Variants in MIR2052HG observed in about 807,000 individuals in gnomAD.
The protein encoded by MIR2052HG is MIR2052 host gene.
chr8:74,690,520 C>T (rs1044768815), intron 2 of MIR2052HG, among the ~76,000 whole-genome samples: 6 of 151,846 alleles, frequency 4.0e-5, no homozygotes, highest in South Asian at 2.1e-4. Context: ...TGGTGGCGGG[C>T]GCCTGTAGTC....
chr8:74,608,246 T>C (rs897747834), intron 1 of MIR2052HG, among the ~76,000 whole-genome samples: 2 of 151,356 alleles, frequency 1.3e-5, no homozygotes, highest in African/African-American at 4.9e-5. Context: ...ATAGGGAGTG[T>C]CTGGGGAAGA....
intron 4 of MIR2052HG, among the ~76,000 whole-genome samples, chr8:74,706,971 T>G (rs1809417521): frequency 6.6e-6 from 1 of 152,070 alleles, no homozygotes; most frequent in Non-Finnish European, 1.5e-5. Flanking sequence ...ATGTATTGGT[T>G]AAGAAATAAA....
Position 74,635,810 on chromosome 8 carries a change from T to A in MIR2052HG, n.216+22870T>A, listed in dbSNP as rs112007201. Among the ~76,000 whole-genome samples the A allele has an allele frequency of 8.4e-3, 1,281 of 152,300 alleles. 9 individuals are homozygous for A. Among genetic ancestry groups the A allele is most frequent in the South Asian group, 0.03 (147 of 4,832 alleles). On this transcript the variant is annotated intron_variant and non_coding_transcript_variant, in intron 2 of 6. Coordinates refer to ENST00000523442, the Ensembl canonical transcript of MIR2052HG. The stretch of plus-strand genomic sequence containing the variant: ...GGAAATTTATAGCACAGCTTTAGAT[T>A]TGATTCTTTAGAGAATTTTTATTTG...
chr8:74,748,167 C>G (rs1809906889), intron 4 of MIR2052HG, among the ~76,000 whole-genome samples: 1 of 152,136 alleles, frequency 6.6e-6, no homozygotes, highest in African/African-American at 2.4e-5. Flanking sequence ...GATTGGAATA[C>G]AAGCCAAAAT....
intron 4 of MIR2052HG, among the ~76,000 whole-genome samples, chr8:74,719,854 T>TC (rs1011495988): frequency 2.3e-5 from 3 of 131,866 alleles, no homozygotes; most frequent in African/African-American, 9.8e-5. Context: ...TTTTTCTTTT[T>TC]TTTTTTTTTT....
intron 4 of MIR2052HG, among the ~76,000 whole-genome samples, chr8:74,707,910 T>C (rs535725301): frequency 6.6e-6 from 1 of 152,108 alleles, no homozygotes; most frequent in Non-Finnish European, 1.5e-5. Flanking sequence ...GAGGTGCTTA[T>C]AATATCCTTG....
chr8:74,615,174 A>G (rs533531116), intron 2 of MIR2052HG: 11 of 152,306 alleles, frequency 7.2e-5, no homozygotes, highest in African/African-American at 2.2e-4. Flanking sequence ...GTACCTCCCT[A>G]TGGAGCCAGT....
chr8:74,689,068 T>C (rs1025599586), intron 2 of MIR2052HG, among the ~76,000 whole-genome samples: 1 of 152,224 alleles, frequency 6.6e-6, no homozygotes, highest in Admixed American at 6.5e-5. Flanking sequence ...TTTCCTTGAA[T>C]TACTGATTTT....
At chr8:74,605,818 GTTTA>G (rs970285577) in intron 1 of MIR2052HG, among the ~76,000 whole-genome samples, 4 of 152,074 alleles carry the variant, frequency 2.6e-5, no homozygotes, top group Non-Finnish European at 5.9e-5. Flanking sequence ...CCTTCTAATT[GTTTA>G]TTTCTCTTTA....
chr8:74,700,045 G>A (rs1381195488), intron 2 of MIR2052HG, among the ~76,000 whole-genome samples: 1 of 152,106 alleles, frequency 6.6e-6, no homozygotes, highest in East Asian at 1.9e-4. Context: ...TTCTAACAAT[G>A]CTATGATGAA....
intron 4 of MIR2052HG, among the ~76,000 whole-genome samples, chr8:74,742,188 A>G (rs984481812): frequency 1.2e-4 from 18 of 152,316 alleles, no homozygotes; most frequent in Non-Finnish European, 4.4e-5. Context: ...ACTAAATACA[A>G]GATCACAAAA....
chr8:74,737,137 T>G (rs953100385), intron 4 of MIR2052HG, among the ~76,000 whole-genome samples: 9 of 152,202 alleles, frequency 5.9e-5, no homozygotes, highest in Non-Finnish European at 1.3e-4. Flanking sequence ...GAAGTATAAC[T>G]TTGTAACTTC....
intron 2 of MIR2052HG, among the ~76,000 whole-genome samples, chr8:74,642,268 G>A (rs1205605138): frequency 6.6e-6 from 1 of 152,004 alleles, no homozygotes; most frequent in Non-Finnish European, 1.5e-5. Flanking sequence ...CGGTTTCCAA[G>A]GATTGGGATA....
chr8:74,656,048 C>T (rs1252099685), intron 2 of MIR2052HG, among the ~76,000 whole-genome samples: 2 of 152,024 alleles, frequency 1.3e-5, no homozygotes, highest in African/African-American at 4.8e-5. Flanking sequence ...TTGCGTGGGC[C>T]CTGTAACCCC....
chr8:74,635,417 T>G (rs1284834048), intron 2 of MIR2052HG, among the ~76,000 whole-genome samples: 2 of 152,122 alleles, frequency 1.3e-5, no homozygotes, highest in Non-Finnish European at 2.9e-5. Flanking sequence ...CACTGGTCCT[T>G]AATTACTGGA....
chr8:74,722,488 G>A (rs1040832968), intron 4 of MIR2052HG, among the ~76,000 whole-genome samples: 6 of 152,014 alleles, frequency 3.9e-5, no homozygotes, highest in Admixed American at 6.6e-5. Context: ...ACTGACTATT[G>A]TTTTTTAAAC....
chr8:74,717,437 T>C (rs1428468048), intron 4 of MIR2052HG, among the ~76,000 whole-genome samples: 5 of 152,200 alleles, frequency 3.3e-5, no homozygotes, highest in South Asian at 2.1e-4. Flanking sequence ...TCCATGTCTT[T>C]GCTATTGTAA....
chr8:74,616,299 G>A lies in MIR2052HG; in HGVS notation n.216+3359G>A, dbSNP rs1022372373. Among the ~76,000 whole-genome samples, 32 of 151,024 alleles carry A rather than the reference G, an allele frequency of 2.1e-4. 1 individual carries two copies. In the East Asian group the frequency reaches 5.6e-3, roughly 26 times the overall value. ...GTTGTTTCCTGACTTTTTAATGATC[G>A]CCATTCTAACTGGTGTGAGATGGTA... On this transcript the variant is annotated intron_variant and non_coding_transcript_variant, in intron 2 of 6. Transcript: ENST00000523442.
intron 4 of MIR2052HG, among the ~76,000 whole-genome samples, chr8:74,726,144 A>C (rs1586924569): frequency 6.6e-6 from 1 of 152,036 alleles, no homozygotes; most frequent in Non-Finnish European, 1.5e-5. Context: ...AGTGAGCCAA[A>C]ATCGCGCCAT....
Sources: gnomAD v4.1 joint callset for allele counts (sites outside exome capture counted in the v4.1 genomes callset) on GRCh38, gnomAD v4.1.1 for gene constraint, MANE v1.5 for transcripts, NCBI Gene and HGNC (gene_info 2026-07-23, HGNC 2026-07-21) for gene names.